ADAMTS18: variants seen among roughly 807,000 people sequenced by gnomAD.
ADAMTS18 encodes the protein ADAM metallopeptidase with thrombospondin type 1 motif 18.
A neutral mutation model predicts 165.9 loss-of-function variants in ADAMTS18; 157 were observed. The observed-to-expected ratio is 0.95, with a 90% CI of 0.83 to 1.08. The LOEUF (loss-of-function observed/expected upper bound fraction) is 1.08. Ranked by LOEUF, ADAMTS18 falls within the 50% of genes least tolerant of loss-of-function variation. ADAMTS18 has a pLI of 0.00. For synonymous variants in ADAMTS18, 782 were observed against 578.2 expected, an observed-to-expected ratio of 1.35 and a Z score of -5.06; for missense variants, 2,040 against 1,534.0, an observed-to-expected ratio of 1.33 and a Z score of -5.51.
At chr16:77,303,035 T>C (rs1052425039) in intron 16 of ADAMTS18, among the ~76,000 whole-genome samples, 2 of 152,150 alleles carry the variant, frequency 1.3e-5, no homozygotes, top group African/African-American at 2.4e-5. Context: ...CAATCTCCCA[T>C]TGTCAAATGT....
chr16:77,293,896 C>T (rs1251328323), intron 19 of ADAMTS18, among the ~76,000 whole-genome samples: 2 of 151,616 alleles, frequency 1.3e-5, no homozygotes, highest in African/African-American at 4.9e-5. Flanking sequence ...CTGGGCAGCC[C>T]AGTTCCTTAC....
At chr16:77,345,208 G>C (rs2056458339) in intron 10 of ADAMTS18, among the ~76,000 whole-genome samples, 1 of 152,106 alleles carries the variant, frequency 6.6e-6, no homozygotes, top group Non-Finnish European at 1.5e-5. Flanking sequence ...AAATGTTAAT[G>C]GCTTTTGCAA....
intron 8 of ADAMTS18, among the ~76,000 whole-genome samples, chr16:77,358,936 A>G (rs923494293): frequency 1.3e-5 from 2 of 152,224 alleles, no homozygotes; most frequent in South Asian, 2.1e-4. Flanking sequence ...ACATGCAGCA[A>G]AAGTTTTTTT....
chr16:77,419,995 C>T (rs943641445), intron 3 of ADAMTS18, among the ~76,000 whole-genome samples: 4 of 102,854 alleles, frequency 3.9e-5, no homozygotes, highest in Non-Finnish European at 5.9e-5. Context: ...GAGACTCTGT[C>T]GCAGATTAAA....
At chr16:77,363,709 A>G in intron 6 of ADAMTS18, 93 bp downstream of exon 6, 1 of 1,166,630 alleles carries the variant, frequency 8.6e-7, no homozygotes, top group South Asian at 1.2e-5. Context: ...GCAGCTAACG[A>G]CTAGTACATG....
intron 13 of ADAMTS18, among the ~76,000 whole-genome samples, chr16:77,322,722 A>G (rs754969591): frequency 1.2e-4 from 19 of 152,190 alleles, no homozygotes; most frequent in Non-Finnish European, 2.5e-4. Flanking sequence ...CACCATACAC[A>G]TGATCGATGG....
rs777260054 is a variant in ADAMTS18, at chr16:77,300,412, G to A, written c.2533-8C>T. 2 of 1,613,862 alleles carry A rather than the reference G, an allele frequency of 1.2e-6. No homozygotes were observed. The highest frequency in any genetic ancestry group is 1.3e-5 in the African/African-American group (1 of 74,888). On this transcript the variant is annotated splice_region_variant and splice_polypyrimidine_tract_variant and intron_variant, in intron 16 of 22. Transcript: ENST00000282849. The stretch of plus-strand genomic sequence containing the variant: ...TTTGCCTTGCATCAGAATCTGGACA[G>A]TGTAAGATAAAAATCAGAGATCAAG...
intron 3 of ADAMTS18, among the ~76,000 whole-genome samples, chr16:77,430,404 G>A (rs532555102): frequency 3.3e-5 from 5 of 152,214 alleles, no homozygotes; most frequent in Non-Finnish European, 7.4e-5. Context: ...GCATTCACCC[G>A]TACCCAAGCC....
intron 14 of ADAMTS18, 127 bp from the exon 15 acceptor site, chr16:77,321,329 A>T: frequency 7.0e-6 from 9 of 1,279,732 alleles, no homozygotes; most frequent in Non-Finnish European, 8.8e-6. Context: ...TATGGTTAAA[A>T]ATCACAGCCT....
intron 3 of ADAMTS18, among the ~76,000 whole-genome samples, chr16:77,389,258 T>C (rs564523938): frequency 6.6e-6 from 1 of 152,314 alleles, no homozygotes; most frequent in East Asian, 1.9e-4. Context: ...TGAGCCTTGA[T>C]GGTGCCACTG....
At chr16:77,417,205 T>C (rs930020500) in intron 3 of ADAMTS18, among the ~76,000 whole-genome samples, 1 of 152,076 alleles carries the variant, frequency 6.6e-6, no homozygotes, top group South Asian at 2.1e-4. Context: ...TCTGTCATAA[T>C]GTGAAGACAT....
intron 3 of ADAMTS18, among the ~76,000 whole-genome samples, chr16:77,389,255 T>C (rs2057152479): frequency 6.6e-6 from 1 of 152,106 alleles, no homozygotes; most frequent in Non-Finnish European, 1.5e-5. Flanking sequence ...CAGTGAGCCT[T>C]GATGGTGCCA....
At chr16:77,302,373 G>A (rs1477679390) in intron 16 of ADAMTS18, among the ~76,000 whole-genome samples, 1 of 151,938 alleles carries the variant, frequency 6.6e-6, no homozygotes, top group Non-Finnish European at 1.5e-5. Context: ...CAGAGACCTT[G>A]TACCACAGAA....
chr16:77,414,852 G>T (rs1181068889), intron 3 of ADAMTS18, among the ~76,000 whole-genome samples: 1 of 152,100 alleles, frequency 6.6e-6, no homozygotes, highest in Non-Finnish European at 1.5e-5. Flanking sequence ...ACAAATAAAA[G>T]AAATCAATTA....
At position 77,324,463 on chromosome 16, in the gene ADAMTS18, T is replaced by C. The variant is rs537621947; in HGVS notation, c.2032+1403A>G. ...CATTTCAAAAGTTATAACCATTACA[T>C]AAATATATACCAAGTGCTGTTCTTG... is the stretch of plus-strand genomic sequence containing the variant. On this transcript the variant is annotated intron_variant, in intron 13 of 22. Transcript: ENST00000282849. Among the ~76,000 whole-genome samples the C allele has an allele frequency of 1.2e-3, 186 of 152,332 alleles. 2 individuals carry two copies. Among genetic ancestry groups the C allele is most frequent in the African/African-American group, 4.3e-3 (177 of 41,562 alleles).
chr16:77,351,672 T>C (rs2056558000), intron 10 of ADAMTS18, among the ~76,000 whole-genome samples: 1 of 152,196 alleles, frequency 6.6e-6, no homozygotes, highest in Non-Finnish European at 1.5e-5. Context: ...ACAAAGTGAA[T>C]GGCTACTTAA....
intron 16 of ADAMTS18, among the ~76,000 whole-genome samples, chr16:77,304,740 C>CG (rs1012981994): frequency 3.9e-5 from 6 of 152,240 alleles, no homozygotes; most frequent in Admixed American, 3.9e-4. Context: ...ATTTGCTGTA[C>CG]ATGTTCTTAG....
Position 77,434,789 on chromosome 16 carries a change from G to A in ADAMTS18, c.-94C>T, listed in dbSNP as rs1419839788. On this transcript the variant is annotated 5_prime_UTR_variant, in exon 1 of 23. Coordinates refer to ENST00000282849, the MANE Select transcript of ADAMTS18 (RefSeq NM_199355.4). ...TCTTTCCGCGGCCCCGGAGCTCGGC[G>A]CCCCAGGTGCGGCTCCAGGTGAGAG... 7.3e-6 allele frequency: 8 copies of A among 1,101,536 alleles called. No individual in the cohort carries two copies. The highest frequency in any genetic ancestry group is 9.4e-6 in the Non-Finnish European group (8 of 850,118). 68.2% of individuals were successfully genotyped at this position (1,101,536 alleles called of 1,614,324 possible).
intron 11 of ADAMTS18, among the ~76,000 whole-genome samples, chr16:77,339,340 C>G (rs966416772): frequency 2.0e-5 from 3 of 152,054 alleles, no homozygotes; most frequent in African/African-American, 7.2e-5. Flanking sequence ...CAGTATATAA[C>G]TATAGCCTGG....
Sources: allele counts gnomAD v4.1 joint callset (sites outside exome capture counted in the v4.1 genomes callset), GRCh38; gene constraint gnomAD v4.1.1; transcripts MANE v1.5; gene names NCBI Gene and HGNC (gene_info 2026-07-23, HGNC 2026-07-21).